MAPT: variants seen among roughly 807,000 people sequenced by gnomAD.
MAPT encodes microtubule associated protein tau.
MAPT carries 34 observed loss-of-function variants against 67.9 expected under a neutral mutation model. That is an observed-to-expected ratio of 0.50 (90% CI 0.38 to 0.67). The LOEUF is 0.67. MAPT is among the 30% of genes least tolerant of loss of function. The pLI, the probability that MAPT is intolerant of heterozygous loss-of-function variation, is 0.00. For synonymous variants in MAPT, 456 were observed against 464.5 expected, an observed-to-expected ratio of 0.98 and a Z score of 0.23; for missense variants, 881 against 1,115.2, an observed-to-expected ratio of 0.79 and a Z score of 2.99.
In MAPT at chr17:46,025,218, C is replaced by G. The variant is rs113815715; in HGVS notation, c.*1047C>G. On this transcript the variant is annotated 3_prime_UTR_variant, in exon 13 of 13. Transcript: ENST00000262410. The stretch of plus-strand genomic sequence containing the variant: ...TTGTGCCTCTTGGGAGACGTCCACC[C>G]GTTTCCAAGCCTGGGCCACTGGCAT... The G allele has an allele frequency of 3.3e-5, 5 of 152,740 alleles. No homozygotes were observed. The highest frequency in any genetic ancestry group is 2.6e-4 in the Admixed American group (4 of 15,286). 9.5% of individuals were successfully genotyped at this position (152,740 alleles called of 1,614,324 possible).
Position 45,996,616 on chromosome 17 carries a change from C to A in MAPT, c.1950C>A (p.Ser650=). 1.2e-6 allele frequency: 2 copies of A among 1,613,982 alleles called. No individual in the cohort carries two copies. The highest frequency in any genetic ancestry group is 1.7e-6 in the Non-Finnish European group (2 of 1,179,950). Residue 650 remains serine, a synonymous_variant, in exon 9 of 13, where the codon TCC becomes TCA. Coordinates refer to ENST00000262410, the MANE Select transcript of MAPT (RefSeq NM_001377265.1). This position sits in a 1 kb window ranked among gnomAD's most constrained non-coding sequence, Gnocchi z 4.5. Reference sequence around the variant, plus strand: ...TGCCAGACCTGAAGAATGTCAAGTCCAAGATCGGCTCCACTGAGAACCTGA... The same window carrying A: ...TGCCAGACCTGAAGAATGTCAAGTCAAAGATCGGCTCCACTGAGAACCTGA... ...VPMPDLKNVK[S]KIGSTENLKH...
intron 1 of MAPT, among the ~76,000 whole-genome samples, chr17:45,945,494 A>G (rs2068391181): frequency 6.6e-6 from 1 of 152,228 alleles, no homozygotes; most frequent in Non-Finnish European, 1.5e-5. Flanking sequence ...GCTACAAATT[A>G]TACCCATTGG....
chr17:45,987,978 A>G (rs1412860828), intron 6 of MAPT, among the ~76,000 whole-genome samples: 2 of 152,202 alleles, frequency 1.3e-5, no homozygotes, highest in African/African-American at 2.4e-5. Context: ...TTCAGTACAC[A>G]TGGGTACAAC....
intron 8 of MAPT, among the ~76,000 whole-genome samples, chr17:45,992,338 A>G (rs1358741396): frequency 1.3e-5 from 2 of 152,072 alleles, no homozygotes; most frequent in African/African-American, 4.8e-5. Context: ...CAGTCCCCAA[A>G]TGAGACTCTG....
intron 1 of MAPT, among the ~76,000 whole-genome samples, chr17:45,933,355 G>A (rs749376080): frequency 3.3e-5 from 5 of 149,476 alleles, no homozygotes; most frequent in Non-Finnish European, 7.4e-5. Context: ...AGTGATTCTC[G>A]TGCCTCAGCC....
intron 11 of MAPT, among the ~76,000 whole-genome samples, chr17:46,016,765 A>G (rs532038267): frequency 6.8e-6 from 1 of 147,264 alleles, no homozygotes; most frequent in East Asian, 1.9e-4. Flanking sequence ...AGTGAGACTC[A>G]GCAAAAAAAG....
intron 1 of MAPT, among the ~76,000 whole-genome samples, chr17:45,933,373 T>C (rs923768910): frequency 2.0e-5 from 3 of 151,570 alleles, no homozygotes; most frequent in Non-Finnish European, 4.4e-5. Flanking sequence ...GCCTCCCGAG[T>C]AGCTGGGATT....
intron 1 of MAPT, among the ~76,000 whole-genome samples, chr17:45,956,581 TATATATATA>T (rs2069715212): frequency 1.2e-4 from 3 of 25,820 alleles, no homozygotes; most frequent in African/African-American, 3.0e-4. Context: ...TATATATATA[TATATATATA>T]TATATATATA....
intron 1 of MAPT, among the ~76,000 whole-genome samples, chr17:45,933,245 CT>C (rs61564191): frequency 4.7e-4 from 66 of 139,160 alleles, no homozygotes; most frequent in Middle Eastern, 3.7e-3. Flanking sequence ...CTCTCTCTCC[CT>C]TTTTTTTTTT....
intron 12 of MAPT, among the ~76,000 whole-genome samples, chr17:46,022,353 CAAAAA>C (rs56222318): frequency 5.6e-5 from 5 of 89,632 alleles, no homozygotes; most frequent in Non-Finnish European, 8.7e-5. Context: ...ATCTTTGTCT[CAAAAA>C]AAAAAAAAAA....
intron 1 of MAPT, among the ~76,000 whole-genome samples, chr17:45,932,661 T>C (rs530158681): frequency 2.0e-5 from 3 of 150,614 alleles, no homozygotes; most frequent in Non-Finnish European, 2.9e-5. Flanking sequence ...CCACATATGG[T>C]AGGGCCAACT....
At chr17:45,916,355 C>G (rs113290156) in intron 1 of MAPT, among the ~76,000 whole-genome samples, 1 of 152,192 alleles carries the variant, frequency 6.6e-6, no homozygotes, top group African/African-American at 2.4e-5. Context: ...GGAGCCCGAG[C>G]CTGCCCCGCT....
At chr17:46,022,391 A>G (rs1370038853) in intron 12 of MAPT, among the ~76,000 whole-genome samples, 1 of 151,724 alleles carries the variant, frequency 6.6e-6, no homozygotes, top group Non-Finnish European at 1.5e-5. Context: ...TACAGTATAC[A>G]GTAATAGAGA....
At chr17:45,941,648 C>CT (rs1568207017) in intron 1 of MAPT, among the ~76,000 whole-genome samples, 5 of 102,542 alleles carry the variant, frequency 4.9e-5, no homozygotes. Flanking sequence ...CCCTCCTTCC[C>CT]CCCTTCCACC....
intron 9 of MAPT, among the ~76,000 whole-genome samples, chr17:46,006,281 T>G (rs1315715298): frequency 1.3e-5 from 2 of 152,156 alleles, no homozygotes; most frequent in Non-Finnish European, 2.9e-5. Flanking sequence ...GAATCTGTCA[T>G]TTGAAACAAC....
rs566393096 is a variant in MAPT at position 45,956,372 on chromosome 17, T to G, written c.-17-5949T>G. Among the ~76,000 whole-genome samples, 3 of 152,132 alleles carry G rather than the reference T, an allele frequency of 2.0e-5. No homozygotes were observed. In the South Asian group the frequency reaches 6.2e-4, roughly 32 times the overall value. ...GCTGTCCAGCATGCGGGTCCCTGGC[T>G]TCTCACACTTCCCAGGCTCCTTCAG... On this transcript the variant is annotated intron_variant, in intron 1 of 12. Transcript: ENST00000262410.
At chr17:45,993,620 G>A (rs1207563184) in intron 8 of MAPT, among the ~76,000 whole-genome samples, 1 of 152,170 alleles carries the variant, frequency 6.6e-6, no homozygotes, top group Admixed American at 6.5e-5. Context: ...CACCATTTTG[G>A]CCAGCCTAGT....
In MAPT at chr17:45,983,062, T is replaced by C. The variant is rs1301532316; in HGVS notation, c.483T>C (p.Pro161=). 19 of 1,529,394 alleles carry C rather than the reference T, an allele frequency of 1.2e-5. No homozygotes were observed. The highest frequency in any genetic ancestry group is 1.7e-5 in the Non-Finnish European group (19 of 1,133,588). 94.7% of individuals were successfully genotyped at this position (1,529,394 alleles called of 1,614,324 possible). ...LPQHRPVCPA[P]PPTGGPQEPS... The stretch of plus-strand genomic sequence containing the variant: ...AGCACCGTCCCGTTTGCCCAGCGCC[T>C]CCTCCAACAGGAGGCCCTCAGGAGC... The change falls in exon 5 of 13, where the codon CCT becomes CCC. Residue 161 remains proline (P), a synonymous_variant. Transcript: ENST00000262410.
rs2076821603 is a variant in MAPT at position 46,026,782 on chromosome 17, A to G, written c.*2611A>G. 1 of 152,138 alleles carries G rather than the reference A, an allele frequency of 6.6e-6. No individual in the cohort carries two copies. The highest frequency in any genetic ancestry group is 2.4e-5 in the African/African-American group (1 of 41,388). The allele number at this position is 152,138 out of a possible 1,614,324, so 9.4% of individuals were successfully genotyped here. A position where few individuals can be genotyped will look rare whatever the true frequency, so the allele number is the denominator to read the frequency against. On this transcript the variant is annotated 3_prime_UTR_variant, in exon 13 of 13. Coordinates refer to ENST00000262410, the MANE Select transcript of MAPT (RefSeq NM_001377265.1). ...ACCTCAGCCCGCTGACCTTGCACAA[A>G]CTCCATCTGCTGCCATGAGAAAAGG...
Sources: gnomAD v4.1 joint callset for allele counts (sites outside exome capture counted in the v4.1 genomes callset) on GRCh38, gnomAD v4.1.1 for gene constraint, Gnocchi (gnomAD v3.1) non-coding constraint, MANE v1.5 for transcripts, NCBI Gene and HGNC (gene_info 2026-07-23, HGNC 2026-07-21) for gene names.